The following ROBO1 variants were observed in gnomAD, a reference collection of about 807,000 sequenced individuals.
ROBO1 encodes roundabout homolog 1.
Under a neutral mutation model 195.9 loss-of-function variants are expected in ROBO1, and 149 were observed. The ratio of observed to expected loss-of-function variants is 0.76; its 90% CI spans 0.67 to 0.87. ROBO1 has a LOEUF of 0.87. Among genes scored for constraint, ROBO1 ranks in the 40% least tolerant of loss-of-function variants. ROBO1 has a pLI of 0.00. For missense variants in ROBO1, 1,933 were observed against 2,068.3 expected (o/e 0.93, Z 1.27); for synonymous variants, 816 against 733.2 (o/e 1.11, Z -1.82).
intron 2 of ROBO1, among the ~76,000 whole-genome samples, chr3:79,478,560 C>A (rs1281613082): frequency 6.6e-6 from 1 of 152,124 alleles, no homozygotes; most frequent in African/African-American, 2.4e-5. Flanking sequence ...TGTTCAATTC[C>A]CAGAAAGCCT....
intron 3 of ROBO1, among the ~76,000 whole-genome samples, chr3:79,078,662 G>A (rs764157937): frequency 7.3e-5 from 11 of 151,660 alleles, no homozygotes; most frequent in Non-Finnish European, 4.4e-5. Context: ...GTGGTAAAAC[G>A]TCATCTCAAA....
chr3:79,072,494 C>T (rs2079106065), intron 3 of ROBO1, among the ~76,000 whole-genome samples: 1 of 151,802 alleles, frequency 6.6e-6, no homozygotes, highest in African/African-American at 2.4e-5. Context: ...TTGCAGCTGC[C>T]CTGTATGAAT....
chr3:78,667,427 T>C (rs1397477576), intron 14 of ROBO1, among the ~76,000 whole-genome samples: 1 of 152,160 alleles, frequency 6.6e-6, no homozygotes, highest in Non-Finnish European at 1.5e-5. Context: ...ATTCCAGTTA[T>C]ACTTTATTTA....
intron 2 of ROBO1, among the ~76,000 whole-genome samples, chr3:79,287,939 CATAA>C (rs753067384): frequency 2.0e-5 from 3 of 151,828 alleles, no homozygotes; most frequent in Admixed American, 6.6e-5. Context: ...TTCAGATGGA[CATAA>C]ATGAGAACAC....
chr3:79,580,374 G>A (rs541128929), intron 2 of ROBO1, among the ~76,000 whole-genome samples: 8 of 151,880 alleles, frequency 5.3e-5, no homozygotes, highest in South Asian at 4.2e-4. Flanking sequence ...TTCGGGAGGC[G>A]GAGGCAGGAG....
chr3:79,379,040 GATATA>G (rs1315232721), intron 2 of ROBO1, among the ~76,000 whole-genome samples: 1 of 152,152 alleles, frequency 6.6e-6, no homozygotes, highest in African/African-American at 2.4e-5. Context: ...AAGCCGAATT[GATATA>G]ATAGATTCTC....
At chr3:79,512,313 T>C (rs1940748648) in intron 2 of ROBO1, among the ~76,000 whole-genome samples, 1 of 152,216 alleles carries the variant, frequency 6.6e-6, no homozygotes, top group African/African-American at 2.4e-5. Context: ...ATGCTGTATT[T>C]AAAAATCAAT....
At chr3:79,568,638 C>T in intron 2 of ROBO1, among the ~76,000 whole-genome samples, 1 of 151,188 alleles carries the variant, frequency 6.6e-6, no homozygotes, top group East Asian at 2.0e-4. Flanking sequence ...TTTGTTCATG[C>T]TTGTCTGTCC....
chr3:78,687,713 C>T (rs1462929903), intron 9 of ROBO1, among the ~76,000 whole-genome samples: 1 of 152,186 alleles, frequency 6.6e-6, no homozygotes, highest in Non-Finnish European at 1.5e-5. Context: ...CAGTCTCTAC[C>T]TCGTGGGCTC....
intron 2 of ROBO1, among the ~76,000 whole-genome samples, chr3:79,456,338 A>G (rs2039618659): frequency 6.6e-6 from 1 of 152,102 alleles, no homozygotes; most frequent in South Asian, 2.1e-4. Flanking sequence ...AGCCTAACTC[A>G]TATCAGTGAA....
chr3:79,210,805 A>C (rs2081954731), intron 2 of ROBO1, among the ~76,000 whole-genome samples: 1 of 152,168 alleles, frequency 6.6e-6, no homozygotes, highest in South Asian at 2.1e-4. Context: ...ATATTGTTGA[A>C]AATGAATTAT....
intron 1 of ROBO1, among the ~76,000 whole-genome samples, chr3:79,716,587 T>C: frequency 6.6e-6 from 1 of 151,970 alleles, no homozygotes; most frequent in East Asian, 1.9e-4. Flanking sequence ...ATATTTTAGT[T>C]GTGGCATAGA....
At chr3:79,093,754 G>C (rs1384435081) in intron 3 of ROBO1, among the ~76,000 whole-genome samples, 3 of 151,850 alleles carry the variant, frequency 2.0e-5, no homozygotes. Flanking sequence ...CCCATTAATG[G>C]GTACATTAAT....
chr3:79,556,827 A>G lies in ROBO1; in HGVS notation c.88+32997T>C, dbSNP rs541855816. Among the ~76,000 whole-genome samples the G allele has an allele frequency of 1.6e-4, 24 of 151,990 alleles. No homozygotes were observed. In the South Asian group the frequency reaches 4.6e-3, roughly 29 times the overall value. On this transcript the variant is annotated intron_variant, in intron 2 of 30. Coordinates refer to ENST00000464233, the MANE Select transcript of ROBO1 (RefSeq NM_002941.4). The stretch of plus-strand genomic sequence containing the variant: ...GGTAATTCCACTAAAGTAGTAATCA[A>G]CTTTTTACTTTGCTCTATAGAGGTA...
chr3:79,222,600 C>T (rs1267905963), intron 2 of ROBO1, among the ~76,000 whole-genome samples: 2 of 150,910 alleles, frequency 1.3e-5, no homozygotes, highest in African/African-American at 4.9e-5. Flanking sequence ...AAACTGATAA[C>T]ATTTGTGGAT....
chr3:79,196,209 G>A (rs540925487), intron 2 of ROBO1, among the ~76,000 whole-genome samples: 51 of 151,376 alleles, frequency 3.4e-4, no homozygotes, highest in African/African-American at 1.2e-3. Flanking sequence ...CAAGAGACTT[G>A]GTGGTTTTCT....
intron 4 of ROBO1, among the ~76,000 whole-genome samples, chr3:78,788,119 ATT>A (rs1388895789): frequency 3.7e-5 from 4 of 108,842 alleles, no homozygotes; most frequent in African/African-American, 1.4e-4. Context: ...TTGTTTTTGT[ATT>A]TTTTTTTCTT....
At position 79,705,256 on chromosome 3, in the gene ROBO1, T is replaced by C. The variant is rs181219652; in HGVS notation, c.-51+62496A>G. Among the ~76,000 whole-genome samples the C allele has an allele frequency of 2.3e-3, 354 of 152,138 alleles. 1 individual carries two copies. Among genetic ancestry groups the C allele is most frequent in the African/African-American group, 8.4e-3 (348 of 41,564 alleles). ...TGCCTTTGATGTTGTATCTATAAAGTTACTACCAAATCCAAGGTCATTTAG... is the reference window on the plus strand; with the variant it reads ...TGCCTTTGATGTTGTATCTATAAAGCTACTACCAAATCCAAGGTCATTTAG... On this transcript the variant is annotated intron_variant, in intron 1 of 30. Coordinates refer to ENST00000464233, the MANE Select transcript of ROBO1 (RefSeq NM_002941.4).
chr3:79,664,212 C>G (rs932860993), intron 1 of ROBO1, among the ~76,000 whole-genome samples: 2 of 152,036 alleles, frequency 1.3e-5, no homozygotes, highest in Non-Finnish European at 2.9e-5. Flanking sequence ...ATGATCACCT[C>G]TTAGTAGTTT....
Sources: gnomAD v4.1 joint callset for allele counts (sites outside exome capture counted in the v4.1 genomes callset) on GRCh38, gnomAD v4.1.1 for gene constraint, MANE v1.5 for transcripts, NCBI Gene and HGNC (gene_info 2026-07-23, HGNC 2026-07-21) for gene names.